The following WWOX variants were observed in gnomAD, a reference collection of about 807,000 sequenced individuals.
WWOX encodes WW domain containing oxidoreductase, also known as WW domain-containing oxidoreductase.
Under a neutral mutation model 46.2 loss-of-function variants are expected in WWOX, and 69 were observed. The observed-to-expected ratio is 1.49, with a 90% CI of 1.23 to 1.82. The LOEUF (loss-of-function observed/expected upper bound fraction) is 1.82. Among genes scored for constraint, WWOX ranks in the 40% most tolerant of loss-of-function variants. WWOX has a pLI of 0.00. For missense variants in WWOX, 919 were observed against 542.6 expected (o/e 1.69, Z -6.89); for synonymous variants, 359 against 202.6 (o/e 1.77, Z -6.56).
chr16:78,147,573 C>T (rs1216417213), intron 4 of WWOX, among the ~76,000 whole-genome samples: 1 of 151,826 alleles, frequency 6.6e-6, no homozygotes, highest in South Asian at 2.1e-4. Flanking sequence ...ACTTTGGTAG[C>T]ATAAAGACTT....
chr16:78,284,219 A>G (rs2079731687), intron 5 of WWOX, among the ~76,000 whole-genome samples: 2 of 152,156 alleles, frequency 1.3e-5, no homozygotes, highest in African/African-American at 4.8e-5. Flanking sequence ...GGAGCCAAGT[A>G]CTTTTTGTTG....
At chr16:78,391,791 C>T (rs887388537) in intron 6 of WWOX, among the ~76,000 whole-genome samples, 5 of 152,124 alleles carry the variant, frequency 3.3e-5, no homozygotes, top group African/African-American at 9.7e-5. Context: ...GCAGAGGTTG[C>T]AGTGAGCCGA....
intron 4 of WWOX, among the ~76,000 whole-genome samples, chr16:78,163,361 C>T (rs995430733): frequency 9.9e-5 from 15 of 152,168 alleles, no homozygotes; most frequent in East Asian, 1.9e-4. Flanking sequence ...GTTATTACAG[C>T]GAGGGTATAA....
At chr16:78,905,815 G>A (rs2044948425) in intron 8 of WWOX, among the ~76,000 whole-genome samples, 1 of 152,138 alleles carries the variant, frequency 6.6e-6, no homozygotes, top group African/African-American at 2.4e-5. Flanking sequence ...TGAGCTAAGG[G>A]GGAATCTGGA....
chr16:78,124,176 T>A (rs1030058560), intron 4 of WWOX: 9 of 152,156 alleles, frequency 5.9e-5, no homozygotes, highest in African/African-American at 1.9e-4. Flanking sequence ...TTATATAATT[T>A]TTTTTTCAGC....
chr16:78,280,100 C>A (rs2079649444), intron 5 of WWOX, among the ~76,000 whole-genome samples: 1 of 152,250 alleles, frequency 6.6e-6, no homozygotes, highest in Admixed American at 6.5e-5. Flanking sequence ...CTAATCATGG[C>A]AGGCTCTACC....
At chr16:78,111,288 T>A (rs1234461455) in intron 3 of WWOX, among the ~76,000 whole-genome samples, 1 of 152,240 alleles carries the variant, frequency 6.6e-6, no homozygotes, top group Admixed American at 6.5e-5. Flanking sequence ...ATAGTCATAA[T>A]ACAGGTTAGA....
chr16:78,345,674 G>T, intron 5 of WWOX, among the ~76,000 whole-genome samples: 1 of 96,524 alleles, frequency 1.0e-5, no homozygotes, highest in African/African-American at 3.4e-5. Flanking sequence ...GTAAAATAAA[G>T]CATGGGAAGT....
At chr16:78,382,591 G>C (rs578001625) in intron 5 of WWOX, among the ~76,000 whole-genome samples, 2 of 152,186 alleles carry the variant, frequency 1.3e-5, no homozygotes, top group Admixed American at 6.5e-5. Context: ...TGACCACTCT[G>C]ACGTACTAAA....
intron 8 of WWOX, among the ~76,000 whole-genome samples, chr16:78,543,737 C>G (rs2043956333): frequency 6.6e-6 from 1 of 152,104 alleles, no homozygotes; most frequent in African/African-American, 2.4e-5. Flanking sequence ...CATCCATCCT[C>G]AAAACAGAAA....
At chr16:78,914,676 C>T (rs538490741) in intron 8 of WWOX, among the ~76,000 whole-genome samples, 2 of 151,686 alleles carry the variant, frequency 1.3e-5, no homozygotes, top group Non-Finnish European at 2.9e-5. Flanking sequence ...TCAGGAGATC[C>T]AGACTATCCT....
At chr16:78,244,550 G>A (rs1045580439) in intron 5 of WWOX, among the ~76,000 whole-genome samples, 2 of 152,106 alleles carry the variant, frequency 1.3e-5, no homozygotes, top group Non-Finnish European at 2.9e-5. Flanking sequence ...TTTTAGTCAC[G>A]TTGGCCTGCG....
intron 8 of WWOX, among the ~76,000 whole-genome samples, chr16:79,054,584 G>A (rs553741952): frequency 1.7e-4 from 26 of 152,260 alleles, no homozygotes; most frequent in Admixed American, 9.8e-4. Context: ...CACTTGGGGC[G>A]GTCAAGGTGG....
intron 8 of WWOX, chr16:79,106,730 A>G (rs2049316424): frequency 6.7e-6 from 1 of 149,356 alleles, no homozygotes; most frequent in African/African-American, 2.5e-5. Flanking sequence ...GCAACTCTCC[A>G]GCCTCAGCCT....
At chr16:78,327,056 C>G (rs72792358) in intron 5 of WWOX, among the ~76,000 whole-genome samples, 4,574 of 152,238 alleles carry the variant, frequency 0.03, 121 homozygotes, top group African/African-American at 0.07. Context: ...CTGCGCTGGG[C>G]ACTGCCCCCC....
intron 8 of WWOX, among the ~76,000 whole-genome samples, chr16:78,930,313 C>A (rs1307647492): frequency 8.8e-6 from 1 of 113,568 alleles, no homozygotes; most frequent in African/African-American, 3.4e-5. Context: ...AGGGTCTCCT[C>A]CACACCCAGA....
At chr16:78,309,324 C>G (rs908400504) in intron 5 of WWOX, among the ~76,000 whole-genome samples, 1 of 152,212 alleles carries the variant, frequency 6.6e-6, no homozygotes, top group Non-Finnish European at 1.5e-5. Context: ...TGCTTCCACT[C>G]TGCCCTGATT....
intron 5 of WWOX, among the ~76,000 whole-genome samples, chr16:78,184,853 G>C (rs1292591703): frequency 6.6e-6 from 1 of 152,226 alleles, no homozygotes; most frequent in Non-Finnish European, 1.5e-5. Context: ...TGTTGGGACA[G>C]TCTAAGTTAT....
chr16:78,687,316 T>G (rs999788072), intron 8 of WWOX, among the ~76,000 whole-genome samples: 4 of 152,192 alleles, frequency 2.6e-5, no homozygotes, highest in African/African-American at 7.2e-5. Flanking sequence ...TCTCATCAAA[T>G]TACATTTTAG....
Sources: gnomAD v4.1 joint callset for allele counts (sites outside exome capture counted in the v4.1 genomes callset) on GRCh38, gnomAD v4.1.1 for gene constraint, MANE v1.5 for transcripts, NCBI Gene and HGNC (gene_info 2026-07-23, HGNC 2026-07-21) for gene names.